MYRFL: variants seen among roughly 807,000 people sequenced by gnomAD.
MYRFL encodes myelin regulatory factor like.
In MYRFL, 88 loss-of-function variants were observed where a neutral mutation model predicts 109.4. The ratio of observed to expected loss-of-function variants is 0.80; its 90% CI spans 0.68 to 0.96. MYRFL has a LOEUF of 0.96. Among genes scored for constraint, MYRFL ranks in the 40% least tolerant of loss-of-function variants. The pLI is 0.00. For missense variants in MYRFL, 957 were observed against 954.9 expected, an observed-to-expected ratio of 1.00 and a Z score of -0.03; for synonymous variants, 324 against 320.9, an observed-to-expected ratio of 1.01 and a Z score of -0.10.
chr12:69,915,491 T>C (rs546098579), intron 13 of MYRFL, among the ~76,000 whole-genome samples: 2 of 152,194 alleles, frequency 1.3e-5, no homozygotes, highest in African/African-American at 2.4e-5. Context: ...GATGCCAAAA[T>C]AGGAAAAAAG....
At chr12:69,956,609 T>C (rs1201820841) in intron 22 of MYRFL, among the ~76,000 whole-genome samples, 1 of 151,664 alleles carries the variant, frequency 6.6e-6, no homozygotes, top group Non-Finnish European at 1.5e-5. Flanking sequence ...TCCTCCCCTC[T>C]CTCCCTCTGC....
At chr12:69,936,255 C>T in intron 17 of MYRFL, 28 bp from the exon 18 acceptor site, 1 of 1,535,862 alleles carries the variant, frequency 6.5e-7, no homozygotes, top group Non-Finnish European at 8.7e-7. Context: ...AGCCCTCTTT[C>T]ATTAATCATT....
At chr12:69,909,792 G>A (rs1954494887) in intron 11 of MYRFL, among the ~76,000 whole-genome samples, 177 bp from the exon 12 acceptor site, 3 of 152,156 alleles carry the variant, frequency 2.0e-5, no homozygotes, top group Admixed American at 1.3e-4. Context: ...GGGAAGGAGG[G>A]TGGCTGGGTC....
intron 6 of MYRFL, 70 bp downstream of exon 6, chr12:69,887,040 C>T: frequency 6.8e-7 from 1 of 1,479,002 alleles, no homozygotes; most frequent in Non-Finnish European, 9.0e-7. Context: ...TGAGTTCAAG[C>T]ACTGGAGCTT....
chr12:69,881,179 A>G (rs1268638865), intron 5 of MYRFL, among the ~76,000 whole-genome samples: 1 of 152,056 alleles, frequency 6.6e-6, no homozygotes, highest in African/African-American at 2.4e-5. Flanking sequence ...TAAGTTGCCC[A>G]GGCTGGTCTT....
At chr12:69,897,494 A>G (rs904448421) in intron 10 of MYRFL, among the ~76,000 whole-genome samples, 2 of 152,214 alleles carry the variant, frequency 1.3e-5, no homozygotes, top group Admixed American at 1.3e-4. Context: ...GAGACCAGGC[A>G]TTCTGCTCAG....
intron 13 of MYRFL, among the ~76,000 whole-genome samples, chr12:69,919,659 G>C (rs1954845540): frequency 6.6e-6 from 1 of 152,056 alleles, no homozygotes; most frequent in Non-Finnish European, 1.5e-5. Flanking sequence ...TAAACTCCTG[G>C]ACAAAAATCT....
chr12:69,898,902 ACT>A (rs55954692), intron 10 of MYRFL, among the ~76,000 whole-genome samples: 46,621 of 151,784 alleles, frequency 0.31, 7,411 homozygotes, highest in Non-Finnish European at 0.33. Flanking sequence ...TTTACCAAAA[ACT>A]CTCTGTTAAT....
chr12:69,890,913 T>C, intron 6 of MYRFL, 58 bp from the exon 7 acceptor site: 1 of 1,320,478 alleles, frequency 7.6e-7, no homozygotes, highest in South Asian at 2.0e-5. Context: ...ATACTGTTAA[T>C]GAAAATAAAT....
chr12:69,951,500 T>C (rs1311782634), intron 19 of MYRFL, among the ~76,000 whole-genome samples: 1 of 145,188 alleles, frequency 6.9e-6, no homozygotes, highest in Non-Finnish European at 1.5e-5. Flanking sequence ...CAATCTCGGC[T>C]CACCACAACC....
chr12:69,928,684 A>C (rs949844233), intron 15 of MYRFL, among the ~76,000 whole-genome samples: 1 of 152,236 alleles, frequency 6.6e-6, no homozygotes, highest in Non-Finnish European at 1.5e-5. Flanking sequence ...GGGGCAAGTT[A>C]CTCAACCACA....
chr12:69,857,355 A>G (rs967853267), intron 2 of MYRFL, among the ~76,000 whole-genome samples: 5 of 151,892 alleles, frequency 3.3e-5, no homozygotes, highest in East Asian at 3.8e-4. Context: ...TTCTGTTTCA[A>G]TATTGTCTTG....
At chr12:69,943,882 C>G (rs1955747729) in intron 19 of MYRFL, among the ~76,000 whole-genome samples, 1 of 152,058 alleles carries the variant, frequency 6.6e-6, no homozygotes, top group South Asian at 2.1e-4. Context: ...AGGACATGAA[C>G]AGACACTTCT....
At chr12:69,883,706 TAA>T (rs59904690) in intron 5 of MYRFL, among the ~76,000 whole-genome samples, 136 of 125,444 alleles carry the variant, frequency 1.1e-3, no homozygotes, top group Admixed American at 1.0e-3. Context: ...CTACAAAAAG[TAA>T]AAAAAAAAAA....
At position 69,857,154 on chromosome 12, in the gene MYRFL, G is replaced by T. The variant is rs1476152304; in HGVS notation, c.137+1784G>T. On this transcript the variant is annotated intron_variant, in intron 2 of 24. Coordinates refer to ENST00000552032, the MANE Select transcript of MYRFL (RefSeq NM_182530.3). ...TCTTTCATTAAATTACCTTTGCACA[G>T]TTGTAAAAAATCAATTGACAAAATA... 2.0e-5 allele frequency among the ~76,000 whole-genome samples: 3 copies of T among 151,906 alleles called. No individual in the cohort carries two copies. In the East Asian group the frequency reaches 5.8e-4, roughly 29 times the overall value.
chr12:69,894,355 G>T (rs1335025283), intron 8 of MYRFL, among the ~76,000 whole-genome samples: 3 of 152,152 alleles, frequency 2.0e-5, no homozygotes, highest in Non-Finnish European at 4.4e-5. Flanking sequence ...AAGCAGAGTT[G>T]TACTATGCAT....
chr12:69,888,877 A>G (rs1479602595), intron 6 of MYRFL, among the ~76,000 whole-genome samples: 2 of 152,240 alleles, frequency 1.3e-5, no homozygotes, highest in Non-Finnish European at 2.9e-5. Flanking sequence ...CAGTTTCCAG[A>G]TGGCATAAGA....
chr12:69,842,003 A>G (rs1241129101), intron 1 of MYRFL, among the ~76,000 whole-genome samples: 1 of 152,220 alleles, frequency 6.6e-6, no homozygotes, highest in Non-Finnish European at 1.5e-5. Context: ...CTGAGAGGCT[A>G]GCTAACTTAT....
In MYRFL at chr12:69,926,566, T is replaced by A; in HGVS notation, c.1603-5T>A. The A allele has an allele frequency of 6.7e-7, 1 of 1,492,204 alleles. No individual in the cohort carries two copies. The allele number at this position is 1,492,204 out of a possible 1,614,324, so 92.4% of individuals were successfully genotyped here. The stretch of plus-strand genomic sequence containing the variant: ...TATGCACTCTGTTTGATTTTTCCCT[T>A]TTAGGACCAGATCTTTATGGAAAAT... On this transcript the variant is annotated splice_region_variant and splice_polypyrimidine_tract_variant and intron_variant, in intron 13 of 24. Coordinates refer to ENST00000552032, the MANE Select transcript of MYRFL (RefSeq NM_182530.3).
Sources: allele counts gnomAD v4.1 joint callset (sites outside exome capture counted in the v4.1 genomes callset), GRCh38; gene constraint gnomAD v4.1.1; transcripts MANE v1.5; gene names NCBI Gene and HGNC (gene_info 2026-07-23, HGNC 2026-07-21).